COL23A1: variants seen among roughly 807,000 people sequenced by gnomAD.
COL23A1 encodes collagen type XXIII alpha 1 chain, also known as collagen alpha-1(XXIII) chain.
In COL23A1, 97 loss-of-function variants were observed where a neutral mutation model predicts 99.3. That is an observed-to-expected ratio of 0.98 (90% CI 0.83 to 1.16). The LOEUF (loss-of-function observed/expected upper bound fraction) is 1.16. COL23A1 is among the 50% of genes most tolerant of loss of function. The pLI is 0.00. For synonymous variants in COL23A1, 320 were observed against 308.2 expected (o/e 1.04, Z -0.40); for missense variants, 762 against 757.4 (o/e 1.01, Z -0.07).
In COL23A1 at chr5:178,434,544, A is replaced by AG. The variant is rs1181284500; in HGVS notation, c.361+126137dup. On this transcript the variant is annotated intron_variant, in intron 2 of 28. Coordinates refer to ENST00000390654, the MANE Select transcript of COL23A1 (RefSeq NM_173465.4). The surrounding 1 kb of genome is among the most constrained non-coding windows in gnomAD (Gnocchi z 4.3). Reference sequence around the variant, plus strand: ...AGGAGAGGAGGGGCAGCTGAGCCCCAGCCTGGGGCCTTCCCTGGGGCCTTC... The same window carrying AG: ...AGGAGAGGAGGGGCAGCTGAGCCCCAGGCCTGGGGCCTTCCCTGGGGCCTTC... Among the ~76,000 whole-genome samples the AG allele has an allele frequency of 2.0e-5, 3 of 152,154 alleles. No homozygotes were observed. The highest frequency in any genetic ancestry group is 4.8e-5 in the African/African-American group (2 of 41,434).
At chr5:178,438,452 G>A (rs1185772847) in intron 2 of COL23A1, among the ~76,000 whole-genome samples, 3 of 152,176 alleles carry the variant, frequency 2.0e-5, no homozygotes, top group African/African-American at 7.2e-5. Flanking sequence ...GAAATAAACC[G>A]CTTTACCTGT....
In COL23A1 at chr5:178,325,061, A is replaced by C. The variant is rs369974568; in HGVS notation, c.362-18142T>G. ...CTTTGCAGCTGTGCACTGCAGCCCC[A>C]AGAGGCTGAGTGACCCGCTCAAAGT... On this transcript the variant is annotated intron_variant, in intron 2 of 28. Coordinates refer to ENST00000390654, the MANE Select transcript of COL23A1 (RefSeq NM_173465.4). 5.1e-4 allele frequency among the ~76,000 whole-genome samples: 77 copies of C among 152,336 alleles called. 2 individuals carry two copies. The highest frequency in any genetic ancestry group is 1.5e-3 in the African/African-American group (64 of 41,582).
chr5:178,268,428 C>G lies in COL23A1; in HGVS notation c.495+302G>C, dbSNP rs531254627. Among the ~76,000 whole-genome samples, 166 of 152,304 alleles carry G rather than the reference C, an allele frequency of 1.1e-3. 2 individuals carry two copies. The highest frequency in any genetic ancestry group is 3.4e-3 in the Middle Eastern group (1 of 294). On this transcript the variant is annotated intron_variant, in intron 7 of 28. Transcript: ENST00000390654. ...AATCCCCAAGCCCTCCTGGCACCCC[C>G]CTTCACCATGAAGTCCTCTGGACAC...
chr5:178,505,814 C>A (rs1474323099), intron 2 of COL23A1, among the ~76,000 whole-genome samples: 1 of 152,144 alleles, frequency 6.6e-6, no homozygotes, highest in East Asian at 1.9e-4. Context: ...GGGCCCAGAG[C>A]CACGGACAGG....
At chr5:178,418,113 G>C (rs1168419155) in intron 2 of COL23A1, among the ~76,000 whole-genome samples, 1 of 152,160 alleles carries the variant, frequency 6.6e-6, no homozygotes, top group Non-Finnish European at 1.5e-5. Context: ...TCTGCCACTT[G>C]GTTACTGTGT....
chr5:178,532,734 A>G (rs1460299167), intron 2 of COL23A1, among the ~76,000 whole-genome samples: 1 of 152,192 alleles, frequency 6.6e-6, no homozygotes. Flanking sequence ...TTGGGAGGTA[A>G]TTAGGCATAC....
rs1256116497 is a variant in COL23A1, at chr5:178,308,018, T to C, written c.362-1099A>G. 6.7e-6 allele frequency among the ~76,000 whole-genome samples: 1 copy of C among 148,804 alleles called. No individual in the cohort carries two copies. Among genetic ancestry groups the C allele is most frequent in the Non-Finnish European group, 1.5e-5 (1 of 68,012 alleles). On this transcript the variant is annotated intron_variant, in intron 2 of 28. Coordinates refer to ENST00000390654, the MANE Select transcript of COL23A1 (RefSeq NM_173465.4). This position sits in a 1 kb window ranked among gnomAD's most constrained non-coding sequence, Gnocchi z 5.1. Reference sequence around the variant, plus strand: ...AAATGAGTGTGGGTGTCTGTGTGTGTCTGTTTGCATGTGTCTGTGTGTGTC... The same window carrying C: ...AAATGAGTGTGGGTGTCTGTGTGTGCCTGTTTGCATGTGTCTGTGTGTGTC...
Position 178,388,603 on chromosome 5 carries a change from C to T in COL23A1, c.362-81684G>A, listed in dbSNP as rs554238885. ...TGTCTCTCCCACTGCCTGTCATCAA[C>T]TTCCTCCCCTGGTGATTTTGCTGGG... is the stretch of plus-strand genomic sequence containing the variant. On this transcript the variant is annotated intron_variant, in intron 2 of 28. Transcript: ENST00000390654. Among the ~76,000 whole-genome samples, 7 of 152,320 alleles carry T rather than the reference C, an allele frequency of 4.6e-5. No individual in the cohort carries two copies. The South Asian group carries it at 1.2e-3, about 27-fold the overall frequency.
At chr5:178,473,187 A>G (rs1391879492) in intron 2 of COL23A1, among the ~76,000 whole-genome samples, 1 of 152,174 alleles carries the variant, frequency 6.6e-6, no homozygotes, top group African/African-American at 2.4e-5. Flanking sequence ...AAATAAAAAT[A>G]CAGTAGAACA....
intron 2 of COL23A1, among the ~76,000 whole-genome samples, chr5:178,548,879 C>CT (rs1006637322): frequency 6.6e-6 from 1 of 152,182 alleles, no homozygotes; most frequent in Non-Finnish European, 1.5e-5. Flanking sequence ...AAATAAATGT[C>CT]TATCAGCAGC....
At chr5:178,554,043 C>T (rs374919904) in intron 2 of COL23A1, among the ~76,000 whole-genome samples, 3 of 152,122 alleles carry the variant, frequency 2.0e-5, no homozygotes, top group Non-Finnish European at 2.9e-5. Flanking sequence ...GGTGGAAAAC[C>T]GAGGCACAAG....
intron 2 of COL23A1, among the ~76,000 whole-genome samples, chr5:178,432,233 C>A (rs774655682): frequency 1.3e-5 from 2 of 152,048 alleles, no homozygotes; most frequent in Non-Finnish European, 2.9e-5. Flanking sequence ...TTCATGTGGA[C>A]GAGGTCCAAC....
intron 2 of COL23A1, among the ~76,000 whole-genome samples, chr5:178,521,711 A>T (rs2113064587): frequency 6.6e-6 from 1 of 152,366 alleles, no homozygotes; most frequent in Admixed American, 6.5e-5. Context: ...TACAACATGG[A>T]TGAACCCTGA....
At position 178,259,706 on chromosome 5, in the gene COL23A1, A is replaced by G. The variant is rs1765522703; in HGVS notation, c.729+15T>C. The G allele has an allele frequency of 1.3e-6, 2 of 1,589,474 alleles. No individual in the cohort carries two copies. Among genetic ancestry groups the G allele is most frequent in the African/African-American group, 1.4e-5 (1 of 73,800 alleles). The stretch of plus-strand genomic sequence containing the variant: ...CCAACACTGACCCGGAAGCTCCTCC[A>G]TTGGCCCCTCTCACCTTCTTTCCAG... On this transcript the variant is annotated intron_variant, in intron 12 of 28. Transcript: ENST00000390654.
chr5:178,283,714 A>G (rs952914784), intron 5 of COL23A1, among the ~76,000 whole-genome samples: 7 of 152,248 alleles, frequency 4.6e-5, no homozygotes, highest in Admixed American at 6.5e-5. Context: ...GGAGATGATG[A>G]GAAAGTCTAA....
intron 2 of COL23A1, among the ~76,000 whole-genome samples, chr5:178,532,693 A>C (rs1760713704): frequency 6.6e-6 from 1 of 152,154 alleles, no homozygotes. Context: ...CCCTAATCCC[A>C]ACTGTGATGA....
intron 2 of COL23A1, among the ~76,000 whole-genome samples, chr5:178,482,738 T>C (rs1757405642): frequency 6.6e-6 from 1 of 151,974 alleles, no homozygotes; most frequent in East Asian, 1.9e-4. Flanking sequence ...CCGTCGCTAC[T>C]AAAACTACAA....
At chr5:178,261,060 T>C (rs1400777504) in intron 11 of COL23A1, among the ~76,000 whole-genome samples, 2 of 152,080 alleles carry the variant, frequency 1.3e-5, no homozygotes, top group Non-Finnish European at 2.9e-5. Flanking sequence ...GGGAGGGGGA[T>C]ATGGAAATTC....
intron 2 of COL23A1, among the ~76,000 whole-genome samples, chr5:178,551,735 C>A (rs2113476440): frequency 6.6e-6 from 1 of 152,296 alleles, no homozygotes; most frequent in African/African-American, 2.4e-5. Flanking sequence ...GTGAACCAGG[C>A]AAGCTGTCTC....
Sources: gnomAD v4.1 joint callset for allele counts (sites outside exome capture counted in the v4.1 genomes callset) on GRCh38, gnomAD v4.1.1 for gene constraint, Gnocchi (gnomAD v3.1) non-coding constraint, MANE v1.5 for transcripts, NCBI Gene and HGNC (gene_info 2026-07-23, HGNC 2026-07-21) for gene names.